Variants in SEMA3A observed in about 807,000 individuals in gnomAD.
SEMA3A encodes the protein semaphorin-3A.
In SEMA3A, 29 loss-of-function variants were observed where a neutral mutation model predicts 97.9. The ratio of observed to expected loss-of-function variants is 0.30; its 90% confidence interval spans 0.22 to 0.40. The LOEUF (loss-of-function observed/expected upper bound fraction) is 0.40, where lower values mean the gene tolerates loss of function less well. Among genes scored for constraint, SEMA3A ranks in the 10% least tolerant of loss-of-function variants. The pLI, the probability that SEMA3A is intolerant of heterozygous loss-of-function variation, is 1.00. For synonymous variants in SEMA3A, 321 were observed against 323.7 expected, an observed-to-expected ratio of 0.99 and a Z score of 0.09; for missense variants, 763 against 951.3, an observed-to-expected ratio of 0.80 and a Z score of 2.60.
At chr7:84,475,077 T>TC (rs1224669668) in intron 1 of SEMA3A, among the ~76,000 whole-genome samples, 1 of 151,724 alleles carries the variant, frequency 6.6e-6, no homozygotes, top group African/African-American at 2.4e-5. Context: ...CTCCCCCTTC[T>TC]CCCCCAACCC....
intron 12 of SEMA3A, among the ~76,000 whole-genome samples, chr7:83,995,838 CAT>C (rs1790194363): frequency 6.6e-6 from 1 of 152,210 alleles, no homozygotes. Context: ...GAGATTCTGA[CAT>C]AGCCTATTGG....
At chr7:84,051,287 A>G (rs1431845769) in intron 5 of SEMA3A, among the ~76,000 whole-genome samples, 6 of 152,104 alleles carry the variant, frequency 3.9e-5, no homozygotes, top group Non-Finnish European at 8.8e-5. Context: ...TTGAATCTAT[A>G]AATTACCTTG....
chr7:84,471,182 C>A (rs1329561393), intron 1 of SEMA3A, among the ~76,000 whole-genome samples: 2 of 151,976 alleles, frequency 1.3e-5, no homozygotes, highest in East Asian at 1.9e-4. Context: ...CTTTTCTGTC[C>A]TTGATCATAA....
intron 1 of SEMA3A, among the ~76,000 whole-genome samples, chr7:84,161,614 T>A (rs1797036999): frequency 6.6e-6 from 1 of 152,152 alleles, no homozygotes; most frequent in African/African-American, 2.4e-5. Flanking sequence ...GTACAGTGTG[T>A]CTTTCCCTGC....
At chr7:84,339,278 A>C (rs1562909671) in intron 2 of SEMA3A, among the ~76,000 whole-genome samples, 1 of 152,202 alleles carries the variant, frequency 6.6e-6, no homozygotes, top group Non-Finnish European at 1.5e-5. Flanking sequence ...AAGGGAGATC[A>C]GACTCTCTTT....
chr7:84,276,148 G>A (rs530861903), intron 3 of SEMA3A, among the ~76,000 whole-genome samples: 14 of 151,698 alleles, frequency 9.2e-5, no homozygotes, highest in South Asian at 2.1e-4. Context: ...TAATTCTTTC[G>A]TTTATTCAAT....
chr7:84,243,133 GT>G (rs1382946177), intron 3 of SEMA3A, among the ~76,000 whole-genome samples: 4 of 152,164 alleles, frequency 2.6e-5, no homozygotes, highest in African/African-American at 9.7e-5. Flanking sequence ...TCTCTGCCAG[GT>G]TTTGGTATCA....
chr7:84,297,833 G>C (rs1800907681), intron 3 of SEMA3A, among the ~76,000 whole-genome samples: 2 of 152,120 alleles, frequency 1.3e-5, no homozygotes, highest in Admixed American at 6.6e-5. Flanking sequence ...TAGTTTTAAT[G>C]AAACCCAGAT....
chr7:84,175,136 G>A (rs1227452466), intron 1 of SEMA3A, among the ~76,000 whole-genome samples: 1 of 152,112 alleles, frequency 6.6e-6, no homozygotes, highest in Non-Finnish European at 1.5e-5. Flanking sequence ...CGGACATGGA[G>A]ATTCTAGCTT....
chr7:84,002,023 C>T lies in SEMA3A; in HGVS notation c.1384G>A (p.Val462Ile). Residue 462 changes from valine (V) to isoleucine (I), a missense_variant, in exon 12 of 17, where the codon GTT (valine) becomes ATT (isoleucine). Physicochemically the swap from Val to Ile is conservative, Grantham distance 29 (BLOSUM62 3). Around this residue, in one of 2 missense-constraint regions of SEMA3A, gnomAD observed 678 missense variants for 881.3 expected, o/e 0.77. Coordinates refer to ENST00000265362, the MANE Select transcript of SEMA3A (RefSeq NM_006080.3). ...TACCAAGTCTCCTTAGGAATTGAAACTACTTTAAGAACGGTCCCAACATCT... is the reference window on the plus strand; with the variant it reads ...TACCAAGTCTCCTTAGGAATTGAAATTACTTTAAGAACGGTCCCAACATCT... ...GTDVGTVLKV[V>I]SIPKETWYDL... 1 of 1,610,680 alleles carries T rather than the reference C, an allele frequency of 6.2e-7. No homozygotes were observed. The highest frequency in any genetic ancestry group is 1.3e-5 in the African/African-American group (1 of 74,918).
intron 1 of SEMA3A, among the ~76,000 whole-genome samples, chr7:84,184,071 T>A (rs1211958857): frequency 6.6e-6 from 1 of 152,138 alleles, no homozygotes; most frequent in Non-Finnish European, 1.5e-5. Context: ...TTTTCCCTAC[T>A]TGACAGCTAA....
intron 1 of SEMA3A, among the ~76,000 whole-genome samples, chr7:84,425,820 A>T (rs760161292): frequency 1.4e-5 from 2 of 141,734 alleles, no homozygotes; most frequent in Non-Finnish European, 3.0e-5. Context: ...AAAATACAAT[A>T]TATCATATAT....
chr7:84,209,432 T>A (rs918948770), intron 3 of SEMA3A, among the ~76,000 whole-genome samples: 1 of 152,110 alleles, frequency 6.6e-6, no homozygotes, highest in Non-Finnish European at 1.5e-5. Context: ...CCAACCTGAG[T>A]CCTATTTCCA....
intron 3 of SEMA3A, among the ~76,000 whole-genome samples, chr7:84,221,964 A>G (rs1798893671): frequency 6.6e-6 from 1 of 152,134 alleles, no homozygotes; most frequent in African/African-American, 2.4e-5. Flanking sequence ...ATATCTGGGA[A>G]GTGCAGTTAA....
intron 15 of SEMA3A, among the ~76,000 whole-genome samples, chr7:83,976,312 G>A (rs1045052474): frequency 6.6e-6 from 1 of 151,936 alleles, no homozygotes; most frequent in African/African-American, 2.4e-5. Context: ...TAGAATAAAT[G>A]GCATCAAAAA....
chr7:84,427,819 A>G (rs1804868989), intron 1 of SEMA3A, among the ~76,000 whole-genome samples: 1 of 151,994 alleles, frequency 6.6e-6, no homozygotes, highest in South Asian at 2.1e-4. Flanking sequence ...CCACAGATAA[A>G]CTATCTTTGA....
chr7:84,338,498 A>C (rs1802090097), intron 2 of SEMA3A, among the ~76,000 whole-genome samples: 1 of 152,106 alleles, frequency 6.6e-6, no homozygotes, highest in Non-Finnish European at 1.5e-5. Flanking sequence ...TATAGATTGA[A>C]ATTTATGATG....
chr7:84,355,620 A>G (rs999077352), intron 2 of SEMA3A, among the ~76,000 whole-genome samples: 1 of 151,796 alleles, frequency 6.6e-6, no homozygotes, highest in Non-Finnish European at 1.5e-5. Flanking sequence ...TAATTTATCA[A>G]CTCAACAACT....
At chr7:84,345,380 AC>A (rs1802273378) in intron 2 of SEMA3A, among the ~76,000 whole-genome samples, 2 of 152,192 alleles carry the variant, frequency 1.3e-5, no homozygotes, top group African/African-American at 4.8e-5. Flanking sequence ...TGGAGAAGTT[AC>A]TGAAAATAAG....
Sources: gnomAD v4.1 joint callset for allele counts (sites outside exome capture counted in the v4.1 genomes callset) on GRCh38, gnomAD v4.1.1 for gene constraint, gnomAD v4.1.1 regional missense constraint, MANE v1.5 for transcripts, NCBI Gene and HGNC (gene_info 2026-07-23, HGNC 2026-07-21) for gene names.